DCDC1: variants seen among roughly 807,000 people sequenced by gnomAD.
DCDC1 encodes the protein doublecortin domain containing 1, also known as doublecortin domain-containing protein 1.
In DCDC1, 200 loss-of-function variants were observed where a neutral mutation model predicts 178.3. The observed-to-expected ratio is 1.12, with a 90% CI of 1.00 to 1.26. DCDC1 has a LOEUF of 1.26. Among genes scored for constraint, DCDC1 ranks in the 50% most tolerant of loss-of-function variants. The pLI is 0.00. For synonymous variants in DCDC1, 690 were observed against 604.8 expected, an observed-to-expected ratio of 1.14 and a Z score of -2.07; for missense variants, 1,983 against 1,749.2, an observed-to-expected ratio of 1.13 and a Z score of -2.38.
intron 9 of DCDC1, among the ~76,000 whole-genome samples, chr11:31,162,001 A>G (rs2136169556): frequency 6.6e-6 from 1 of 152,326 alleles, no homozygotes; most frequent in South Asian, 2.1e-4. Flanking sequence ...AATCTAAATG[A>G]AATAGTTTAG....
chr11:31,213,301 G>T (rs769796821), intron 9 of DCDC1, among the ~76,000 whole-genome samples: 27 of 151,486 alleles, frequency 1.8e-4, no homozygotes, highest in Non-Finnish European at 1.2e-4. Context: ...TTCAAATTTA[G>T]CCTTATCATT....
intron 1 of DCDC1, among the ~76,000 whole-genome samples, chr11:31,346,463 CAAAAAAAAAA>C (rs377761189): frequency 0.45 from 38,128 of 84,246 alleles, 5,600 homozygotes; most frequent in Non-Finnish European, 0.53. Context: ...GACTCCGTCT[CAAAAAAAAAA>C]AAAAAAAAAA....
chr11:31,209,249 A>G (rs1462154704), intron 9 of DCDC1, among the ~76,000 whole-genome samples: 1 of 152,226 alleles, frequency 6.6e-6, no homozygotes, highest in African/African-American at 2.4e-5. Context: ...AAAAGAAGTT[A>G]GAAGTGTCCT....
chr11:31,137,712 G>A lies in DCDC1; in HGVS notation c.1294C>T (p.His432Tyr), dbSNP rs903273549. Reference sequence around the variant, plus strand: ...CTTACTTCTTCCTGTTCCTTATGGTGTTCCTTTGCCGTCATTGAAAGAATG... The same window carrying A: ...CTTACTTCTTCCTGTTCCTTATGGTATTCCTTTGCCGTCATTGAAAGAATG... ...KVILSMTAKEHHKEQEEVSRL... is the reference protein window; with the variant it reads ...KVILSMTAKEYHKEQEEVSRL... Residue 432 changes from histidine to tyrosine, a missense_variant, in exon 10 of 39, where the codon CAC becomes TAC. By Grantham distance (83) the His-to-Tyr change is moderately conservative. Transcript: ENST00000684477. 3 of 702,500 alleles carry A rather than the reference G, an allele frequency of 4.3e-6. No homozygotes were observed. Among genetic ancestry groups the A allele is most frequent in the African/African-American group, 3.5e-5 (2 of 57,210 alleles). 43.5% of individuals were successfully genotyped at this position (702,500 alleles called of 1,614,324 possible). A position where few individuals can be genotyped will look rare whatever the true frequency, so the allele number is the denominator to read the frequency against.
chr11:30,888,081 AG>A (rs779555601), intron 36 of DCDC1, among the ~76,000 whole-genome samples: 3,483 of 112,980 alleles, frequency 0.031, 174 homozygotes, highest in Middle Eastern at 0.058. Flanking sequence ...AGAGAGAGAG[AG>A]AGAAAGAAAG....
chr11:30,878,090 T>C (rs2133958021), intron 38 of DCDC1, among the ~76,000 whole-genome samples: 1 of 152,304 alleles, frequency 6.6e-6, no homozygotes, highest in East Asian at 1.9e-4. Flanking sequence ...TGTCTAGTTT[T>C]GTTGCCTTTC....
Position 30,888,110 on chromosome 11 carries a change from G to GAAAGAAAGAAAGAA in DCDC1, c.5082+4694_5082+4707dup, listed in dbSNP as rs1268138793. Among the ~76,000 whole-genome samples the GAAAGAAAGAAAGAA allele has an allele frequency of 6.5e-3, 686 of 105,730 alleles. 4 individuals are homozygous for GAAAGAAAGAAAGAA. Among genetic ancestry groups the GAAAGAAAGAAAGAA allele is most frequent in the Middle Eastern group, 0.026 (6 of 232 alleles). The allele number at this position is 105,730 out of a possible 152,430, so 69.4% of individuals were successfully genotyped here. ...AAAGAAAGAAAGAAAAAGAAAGAAA[G>GAAAGAAAGAAAGAA]AAAGAAAGAAAGAAAGAAAGAAAGA... On this transcript the variant is annotated intron_variant, in intron 36 of 38. Transcript: ENST00000684477.
At position 31,102,273 on chromosome 11, in the gene DCDC1, A is replaced by G; in HGVS notation, c.1887T>C (p.Val629=). The G allele has an allele frequency of 2.9e-6, 2 of 701,732 alleles. No individual in the cohort carries two copies. Among genetic ancestry groups the G allele is most frequent in the Non-Finnish European group, 2.6e-6 (1 of 378,726 alleles). The allele number at this position is 701,732 out of a possible 1,614,324, so 43.5% of individuals were successfully genotyped here. ...VLLPGCGNWE[V]CEGFPINFNC... ...TGAAATTAATTGGAAATCCCTCACA[A>G]ACTTCCCAACTAAGAAAAGTAAAAT... The change falls in exon 15 of 39, where the codon GTT becomes GTC. Residue 629 remains valine (V), a synonymous_variant. Coordinates refer to ENST00000684477, the MANE Select transcript of DCDC1 (RefSeq NM_001387274.1).
chr11:31,119,614 C>T (rs1167582745), intron 11 of DCDC1, among the ~76,000 whole-genome samples: 2 of 152,084 alleles, frequency 1.3e-5, no homozygotes, highest in Non-Finnish European at 2.9e-5. Flanking sequence ...TTTAATTGTT[C>T]CATAGATTCC....
intron 6 of DCDC1, among the ~76,000 whole-genome samples, chr11:31,302,557 A>G (rs142871364): frequency 6.6e-6 from 1 of 152,314 alleles, no homozygotes; most frequent in Non-Finnish European, 1.5e-5. Flanking sequence ...TCTTTTCCAT[A>G]CACAATTAAT....
At position 31,137,627 on chromosome 11, in the gene DCDC1, C is replaced by T. The variant is rs923518433; in HGVS notation, c.1314+65G>A. 28 of 680,526 alleles carry T rather than the reference C, an allele frequency of 4.1e-5. No individual in the cohort carries two copies. In the Middle Eastern group the frequency reaches 1.4e-3, roughly 35 times the overall value. The allele number at this position is 680,526 out of a possible 1,614,324, so 42.2% of individuals were successfully genotyped here. ...CCTCCCAAAGTGCGGGGATTACAGG[C>T]GTAAGCCACTGTGCCTGGCCCTCAT... is the stretch of plus-strand genomic sequence containing the variant. On this transcript the variant is annotated intron_variant, in intron 10 of 38. Transcript: ENST00000684477.
At chr11:30,956,460 A>G (rs1181646024) in intron 20 of DCDC1, among the ~76,000 whole-genome samples, 4 of 152,164 alleles carry the variant, frequency 2.6e-5, no homozygotes, top group African/African-American at 9.7e-5. Context: ...ATTGATAGCA[A>G]TACCATTTAT....
At chr11:31,062,810 T>C (rs1330452651) in intron 20 of DCDC1, among the ~76,000 whole-genome samples, 1 of 151,908 alleles carries the variant, frequency 6.6e-6, no homozygotes, top group African/African-American at 2.4e-5. Flanking sequence ...TTTATTATTA[T>C]TATACTTTAA....
At chr11:31,162,021 A>G (rs1278389826) in intron 9 of DCDC1, among the ~76,000 whole-genome samples, 1 of 152,232 alleles carries the variant, frequency 6.6e-6, no homozygotes, top group East Asian at 1.9e-4. Context: ...GTGCTCAAAA[A>G]TTAAGCCATT....
intron 6 of DCDC1, among the ~76,000 whole-genome samples, chr11:31,297,927 T>G (rs1168818423): frequency 6.6e-6 from 1 of 152,160 alleles, no homozygotes; most frequent in Non-Finnish European, 1.5e-5. Context: ...ATATATTGAT[T>G]GATATCTCAT....
At chr11:30,988,751 A>G (rs1021318976) in intron 20 of DCDC1, among the ~76,000 whole-genome samples, 1 of 152,254 alleles carries the variant, frequency 6.6e-6, no homozygotes, top group Non-Finnish European at 1.5e-5. Context: ...ATAATGTTTT[A>G]AGAAAGTTTA....
intron 9 of DCDC1, among the ~76,000 whole-genome samples, chr11:31,177,744 G>GA (rs1968253883): frequency 6.6e-6 from 1 of 152,180 alleles, no homozygotes; most frequent in Admixed American, 6.5e-5. Flanking sequence ...AGATAAGATA[G>GA]ATTTTAAGTC....
chr11:30,880,271 G>A (rs955297856), intron 37 of DCDC1, among the ~76,000 whole-genome samples: 5 of 152,108 alleles, frequency 3.3e-5, no homozygotes, highest in Admixed American at 2.6e-4. Context: ...CCATAATGTA[G>A]GATGGTGCAG....
At chr11:31,267,935 A>G (rs1467552362) in intron 7 of DCDC1, among the ~76,000 whole-genome samples, 2 of 152,174 alleles carry the variant, frequency 1.3e-5, no homozygotes, top group Admixed American at 6.5e-5. Context: ...AAAATGGATC[A>G]CTTTCACCAC....
Sources: allele counts gnomAD v4.1 joint callset (sites outside exome capture counted in the v4.1 genomes callset), GRCh38; gene constraint gnomAD v4.1.1; transcripts MANE v1.5; gene names NCBI Gene and HGNC (gene_info 2026-07-23, HGNC 2026-07-21).